The following AGBL4 variants were observed in gnomAD, a reference collection of about 807,000 sequenced individuals.
The protein encoded by AGBL4 is AGBL carboxypeptidase 4.
In AGBL4, 58 loss-of-function variants were observed where a neutral mutation model predicts 66.4. The observed-to-expected ratio is 0.87, with a 90% CI of 0.71 to 1.09. AGBL4 has a LOEUF of 1.09. Ranked by LOEUF, AGBL4 falls within the 50% of genes least tolerant of loss-of-function variation. The probability of loss-of-function intolerance (pLI) is 0.00; values close to 1 mark genes in which losing one functional copy is unlikely to be tolerated. For missense variants in AGBL4, 579 were observed against 631.0 expected (o/e 0.92, Z 0.88); for synonymous variants, 234 against 222.9 (o/e 1.05, Z -0.44).
At chr1:49,649,789 G>C (rs1015068896) in intron 3 of AGBL4, among the ~76,000 whole-genome samples, 9 of 152,022 alleles carry the variant, frequency 5.9e-5, no homozygotes, top group Admixed American at 5.2e-4. Flanking sequence ...TTCATATAAT[G>C]TTTACTCTCT....
At chr1:49,750,472 C>G (rs547361952) in intron 2 of AGBL4, among the ~76,000 whole-genome samples, 2 of 152,140 alleles carry the variant, frequency 1.3e-5, no homozygotes, top group Non-Finnish European at 2.9e-5. Context: ...GGTACCTGTA[C>G]CACGCTGTTT....
intron 3 of AGBL4, among the ~76,000 whole-genome samples, chr1:49,373,935 T>C (rs546140503): frequency 6.6e-6 from 1 of 152,218 alleles, no homozygotes; most frequent in African/African-American, 2.4e-5. Context: ...TCAGTTCAGA[T>C]TGTGTTTTGA....
At chr1:48,931,811 T>C (rs1655059771) in intron 5 of AGBL4, among the ~76,000 whole-genome samples, 1 of 152,180 alleles carries the variant, frequency 6.6e-6, no homozygotes, top group South Asian at 2.1e-4. Flanking sequence ...GCCTGGCCTC[T>C]GTGGCATTTT....
intron 2 of AGBL4, among the ~76,000 whole-genome samples, chr1:49,710,808 C>G (rs1256554423): frequency 2.0e-5 from 3 of 151,678 alleles, no homozygotes; most frequent in African/African-American, 7.3e-5. Flanking sequence ...AAAACAAAGA[C>G]ACAGACTAAC....
intron 5 of AGBL4, among the ~76,000 whole-genome samples, chr1:49,040,674 G>A (rs1057219098): frequency 4.6e-5 from 7 of 151,950 alleles, no homozygotes; most frequent in South Asian, 4.2e-4. Flanking sequence ...TCCATATTAC[G>A]GTGCTAAGTG....
At chr1:49,099,219 A>T (rs12724511) in intron 4 of AGBL4, among the ~76,000 whole-genome samples, 66,226 of 152,116 alleles carry the variant, frequency 0.44, 16,889 homozygotes, top group Non-Finnish European at 0.58. Context: ...ACAAAAAGCA[A>T]AGGAACTTGC....
intron 5 of AGBL4, among the ~76,000 whole-genome samples, chr1:48,884,135 T>C (rs1336311996): frequency 1.3e-5 from 2 of 152,214 alleles, no homozygotes; most frequent in East Asian, 1.9e-4. Flanking sequence ...GCAGCCCCTA[T>C]TGAATAAATG....
intron 2 of AGBL4, among the ~76,000 whole-genome samples, chr1:49,787,632 A>T (rs1166948025): frequency 6.6e-6 from 1 of 152,206 alleles, no homozygotes; most frequent in Non-Finnish European, 1.5e-5. Flanking sequence ...AGAAAGACTC[A>T]GAGGACTCAG....
intron 5 of AGBL4, among the ~76,000 whole-genome samples, chr1:49,033,054 AG>A (rs1664355622): frequency 1.3e-5 from 2 of 152,022 alleles, no homozygotes; most frequent in Admixed American, 1.3e-4. Context: ...TTATTCATCC[AG>A]GGTTAAGGTT....
At chr1:49,287,033 G>C (rs202175428) in intron 3 of AGBL4, among the ~76,000 whole-genome samples, 1 of 151,154 alleles carries the variant, frequency 6.6e-6, no homozygotes, top group South Asian at 2.1e-4. Context: ...CAATGGAACA[G>C]AACAGAGCCC....
At chr1:48,540,898 C>T (rs541947349) in intron 11 of AGBL4, among the ~76,000 whole-genome samples, 2 of 151,292 alleles carry the variant, frequency 1.3e-5, no homozygotes, top group South Asian at 4.2e-4. Context: ...CCATTTTCTA[C>T]CGTGCAGCCA....
chr1:49,809,618 G>C (rs1043242033), intron 2 of AGBL4, among the ~76,000 whole-genome samples: 1 of 152,066 alleles, frequency 6.6e-6, no homozygotes, highest in South Asian at 2.1e-4. Context: ...TAATAATACC[G>C]TATTGCACAT....
intron 6 of AGBL4, among the ~76,000 whole-genome samples, chr1:48,678,684 T>A (rs1272105179): frequency 6.6e-6 from 1 of 152,228 alleles, no homozygotes; most frequent in Non-Finnish European, 1.5e-5. Context: ...TGCGTTTTAA[T>A]GGTGCAAATG....
At position 49,403,819 on chromosome 1, in the gene AGBL4, C is replaced by G. The variant is rs778375358; in HGVS notation, c.283-157955G>C. 3.3e-5 allele frequency among the ~76,000 whole-genome samples: 5 copies of G among 152,150 alleles called. No individual in the cohort carries two copies. The South Asian group carries it at 6.2e-4, about 19-fold the overall frequency. ...CTTATCTTTCTATTCCTCCTACTTT[C>G]AATTTCTCACCTCTACTTTCTACCC... On this transcript the variant is annotated intron_variant, in intron 3 of 13. Coordinates refer to ENST00000371839, the MANE Select transcript of AGBL4 (RefSeq NM_032785.4).
At chr1:49,318,681 A>G (rs1029439561) in intron 3 of AGBL4, among the ~76,000 whole-genome samples, 16 of 152,096 alleles carry the variant, frequency 1.1e-4, no homozygotes, top group Admixed American at 7.9e-4. Context: ...TAGTGTAAGT[A>G]TCTAGGTAAG....
chr1:49,734,608 C>T (rs1327997931), intron 2 of AGBL4, among the ~76,000 whole-genome samples: 1 of 151,768 alleles, frequency 6.6e-6, no homozygotes, highest in African/African-American at 2.4e-5. Context: ...ACAATGCAAG[C>T]TATAAAAAAA....
intron 3 of AGBL4, among the ~76,000 whole-genome samples, chr1:49,453,046 T>A (rs921076236): frequency 2.0e-4 from 30 of 151,936 alleles, no homozygotes; most frequent in African/African-American, 7.2e-4. Flanking sequence ...ATCCACAGCA[T>A]CTACCAGTGA....
At chr1:49,213,476 G>C (rs1164573599) in intron 4 of AGBL4, among the ~76,000 whole-genome samples, 1 of 151,946 alleles carries the variant, frequency 6.6e-6, no homozygotes, top group Non-Finnish European at 1.5e-5. Flanking sequence ...AGATATGCCT[G>C]TTTGAAAGTG....
intron 5 of AGBL4, among the ~76,000 whole-genome samples, chr1:48,910,124 A>G (rs1016889233): frequency 2.6e-5 from 4 of 152,258 alleles, no homozygotes; most frequent in Non-Finnish European, 5.9e-5. Context: ...AATGTATAAT[A>G]CAATAAACAG....
Sources: allele counts gnomAD v4.1 joint callset (sites outside exome capture counted in the v4.1 genomes callset), GRCh38; gene constraint gnomAD v4.1.1; transcripts MANE v1.5; gene names NCBI Gene and HGNC (gene_info 2026-07-23, HGNC 2026-07-21).